The following CAPS2 variants were observed in gnomAD, a reference collection of about 807,000 sequenced individuals.
The protein encoded by CAPS2 is calcyphosin-2.
A neutral mutation model predicts 86.5 loss-of-function variants in CAPS2; 98 were observed. The observed-to-expected ratio is 1.13, with a 90% CI of 0.96 to 1.34. CAPS2 has a LOEUF of 1.34. Among genes scored for constraint, CAPS2 ranks in the 40% most tolerant of loss-of-function variants. CAPS2 has a pLI of 0.00. For missense variants in CAPS2, 729 were observed against 686.8 expected (o/e 1.06, Z -0.69); for synonymous variants, 210 against 225.1 (o/e 0.93, Z 0.60).
upstream of CAPS2, among the ~76,000 whole-genome samples, chr12:75,329,427 T>C (rs143637498): frequency 5.7e-3 from 864 of 152,262 alleles, 3 homozygotes; most frequent in African/African-American, 0.02. Context: ...TAATAAATAC[T>C]GTTGGCTAAT....
intron 8 of CAPS2, among the ~76,000 whole-genome samples, chr12:75,304,550 A>C (rs140824709): frequency 7.2e-4 from 109 of 152,314 alleles, no homozygotes; most frequent in Non-Finnish European, 1.4e-3. Context: ...CAAATAAAAA[A>C]TCTGGAGGGC....
intron 1 of CAPS2, among the ~76,000 whole-genome samples, chr12:75,340,354 T>C (rs902464570): frequency 6.6e-6 from 1 of 151,778 alleles, no homozygotes; most frequent in Non-Finnish European, 1.5e-5. Flanking sequence ...GGAGCAAGGA[T>C]AGTCTATTCA....
intron 14 of CAPS2, among the ~76,000 whole-genome samples, chr12:75,288,957 T>A (rs570435412): frequency 6.6e-6 from 1 of 152,172 alleles, no homozygotes; most frequent in African/African-American, 2.4e-5. Flanking sequence ...GACAGAAGTG[T>A]CAGGGTAATG....
chr12:75,289,647 CTT>C lies in CAPS2; in HGVS notation c.1367_1368del (p.Lys456SerfsTer8). 2.5e-6 allele frequency: 4 copies of C among 1,613,082 alleles called. No individual in the cohort carries two copies. Among genetic ancestry groups the C allele is most frequent in the Non-Finnish European group, 3.4e-6 (4 of 1,179,644 alleles). On this transcript the variant is annotated frameshift_variant, in exon 14 of 17. Coordinates refer to ENST00000393284, the Ensembl canonical transcript of CAPS2. LOFTEE classifies it high-confidence loss of function. Reference sequence around the variant, plus strand: ...TTTTCAGACACTTCTAAGTGAAACACTTTTAGAGCTTGCTTAAAATCTGCCTT... The same window carrying C: ...TTTTCAGACACTTCTAAGTGAAACACTTAGAGCTTGCTTAAAATCTGCCTT...
At chr12:75,376,221 G>T (rs1338258874) in intron 1 of CAPS2, among the ~76,000 whole-genome samples, 2 of 152,102 alleles carry the variant, frequency 1.3e-5, no homozygotes, top group Non-Finnish European at 2.9e-5. Flanking sequence ...TCCCCAAGCT[G>T]CAACATTAAA....
chr12:75,359,263 A>C (rs1021369347), intron 1 of CAPS2, among the ~76,000 whole-genome samples: 12 of 151,242 alleles, frequency 7.9e-5, no homozygotes, highest in African/African-American at 2.9e-4. Context: ...ATGTACTGAA[A>C]ACTACATAAT....
chr12:75,333,665 A>C (rs1197743617), upstream of CAPS2: 1 of 152,132 alleles, frequency 6.6e-6, no homozygotes, highest in Non-Finnish European at 1.5e-5. Flanking sequence ...TTTATTTTTA[A>C]AAAGATAGTA....
At chr12:75,375,719 G>T (rs139031865) in intron 1 of CAPS2, among the ~76,000 whole-genome samples, 6 of 152,286 alleles carry the variant, frequency 3.9e-5, no homozygotes, top group African/African-American at 1.4e-4. Context: ...TAGAAACACC[G>T]TAATTAATTA....
At chr12:75,351,546 T>C (rs1216457445) in intron 1 of CAPS2, among the ~76,000 whole-genome samples, 1 of 145,196 alleles carries the variant, frequency 6.9e-6, no homozygotes, top group Non-Finnish European at 1.5e-5. Context: ...CTCTGTTTTG[T>C]TTTGTTTTTT....
At chr12:75,329,759 A>G (rs1565926941), upstream of CAPS2, 2 of 1,326,370 alleles carry the variant, frequency 1.5e-6, no homozygotes, top group Non-Finnish European at 2.0e-6. Context: ...CCTAATTTCA[A>G]GCAAAACAGG....
At chr12:75,357,167 G>A (rs1234015895) in intron 1 of CAPS2, among the ~76,000 whole-genome samples, 1 of 152,158 alleles carries the variant, frequency 6.6e-6, no homozygotes, top group Non-Finnish European at 1.5e-5. Context: ...TCCAGCCTGG[G>A]AAACAGTGTG....
At chr12:75,305,759 A>G in intron 7 of CAPS2, 1 of 713,256 alleles carries the variant, frequency 1.4e-6, no homozygotes, top group South Asian at 1.3e-5. Context: ...GAAGATGATC[A>G]TCTGGTTTCC....
rs191284454 is a variant in CAPS2 at position 75,372,718 on chromosome 12, G to A, written c.-395+18120C>T. The stretch of plus-strand genomic sequence containing the variant: ...TGTAAAGTATTGTCACCTAATTGGC[G>A]TAATTATGACTTCAAAAGGCAATCC... On this transcript the variant is annotated intron_variant, in intron 1 of 5. Coordinates refer to the CAPS2 transcript ENST00000551829. Among the ~76,000 whole-genome samples, 13 of 152,272 alleles carry A rather than the reference G, an allele frequency of 8.5e-5. No homozygotes were observed. In the East Asian group the frequency reaches 1.5e-3, roughly 18 times the overall value.
At chr12:75,330,348 C>A (rs1022747323), upstream of CAPS2, among the ~76,000 whole-genome samples, 1 of 152,234 alleles carries the variant, frequency 6.6e-6, no homozygotes, top group Non-Finnish European at 1.5e-5. Context: ...TAAACCCCGG[C>A]GAGGAGCCGG....
chr12:75,302,770 T>C (rs1334470771), intron 8 of CAPS2, among the ~76,000 whole-genome samples: 4 of 152,162 alleles, frequency 2.6e-5, no homozygotes, highest in African/African-American at 9.7e-5. Context: ...CCTATATACA[T>C]ATGGAAAAGT....
intron 1 of CAPS2, among the ~76,000 whole-genome samples, chr12:75,385,593 C>T (rs1463672287): frequency 2.0e-5 from 3 of 152,160 alleles, no homozygotes; most frequent in Non-Finnish European, 2.9e-5. Context: ...CAACTTCATA[C>T]TGGAAATCCT....
chr12:75,378,028 C>T (rs2044753617), intron 1 of CAPS2, among the ~76,000 whole-genome samples: 2 of 151,948 alleles, frequency 1.3e-5, no homozygotes, highest in Admixed American at 1.3e-4. Context: ...GACAGGGTCT[C>T]ACTCTGTCAC....
At chr12:75,305,992 A>G (rs1461114946) in intron 7 of CAPS2, 2 of 1,437,848 alleles carry the variant, frequency 1.4e-6, no homozygotes, top group Non-Finnish European at 1.9e-6. Context: ...GGGTCCTGAC[A>G]GGCCTCCTGC....
intron 1 of CAPS2, chr12:75,365,287 A>AT (rs1286804049): frequency 2.6e-5 from 4 of 152,212 alleles, no homozygotes; most frequent in Non-Finnish European, 5.9e-5. Flanking sequence ...AACCATGAGC[A>AT]ATAAATCACA....
Sources: gnomAD v4.1 joint callset for allele counts (sites outside exome capture counted in the v4.1 genomes callset) on GRCh38, gnomAD v4.1.1 for gene constraint, MANE v1.5 for transcripts, NCBI Gene and HGNC (gene_info 2026-07-23, HGNC 2026-07-21) for gene names.